The following ZNF385D variants were observed in gnomAD, a reference collection of about 807,000 sequenced individuals.
The protein encoded by ZNF385D is zinc finger protein 385D, also known as zinc finger protein 659.
A neutral mutation model predicts 35.8 loss-of-function variants in ZNF385D; 15 were observed. The observed-to-expected ratio is 0.42, with a 90% CI of 0.28 to 0.64. The LOEUF (loss-of-function observed/expected upper bound fraction) is 0.64. ZNF385D is among the 30% of genes least tolerant of loss of function. ZNF385D has a pLI of 0.23. For synonymous variants in ZNF385D, 212 were observed against 186.8 expected, an observed-to-expected ratio of 1.13 and a Z score of -1.10; for missense variants, 474 against 494.6, an observed-to-expected ratio of 0.96 and a Z score of 0.39.
At chr3:21,784,339 T>C (rs1444477813) in intron 3 of ZNF385D, among the ~76,000 whole-genome samples, 1 of 152,154 alleles carries the variant, frequency 6.6e-6, no homozygotes, top group African/African-American at 2.4e-5. Flanking sequence ...CTCTGAAAAA[T>C]ATGAGCACAA....
At chr3:21,520,376 A>T (rs965437195) in intron 3 of ZNF385D, among the ~76,000 whole-genome samples, 1 of 152,212 alleles carries the variant, frequency 6.6e-6, no homozygotes. Flanking sequence ...ATAGTTGCCT[A>T]TTAAATTCAT....
chr3:21,838,081 C>CA (rs1399093150), intron 3 of ZNF385D, among the ~76,000 whole-genome samples: 1 of 151,934 alleles, frequency 6.6e-6, no homozygotes, highest in Admixed American at 6.6e-5. Flanking sequence ...TTAACAGTAG[C>CA]AATCTTAATG....
chr3:21,788,466 G>A (rs1240797352), intron 3 of ZNF385D, among the ~76,000 whole-genome samples: 5 of 152,164 alleles, frequency 3.3e-5, no homozygotes, highest in Admixed American at 1.3e-4. Flanking sequence ...GGGATAGAGC[G>A]AGACTCTGAA....
intron 3 of ZNF385D, among the ~76,000 whole-genome samples, chr3:21,991,517 T>C (rs186219127): frequency 6.6e-6 from 1 of 152,328 alleles, no homozygotes; most frequent in Admixed American, 6.5e-5. Context: ...AATTTGGAAG[T>C]CATCTTAATA....
intron 5 of ZNF385D, among the ~76,000 whole-genome samples, chr3:21,436,270 T>C (rs1701546163): frequency 6.6e-6 from 1 of 152,138 alleles, no homozygotes; most frequent in South Asian, 2.1e-4. Context: ...GGCTTGTCAG[T>C]ATTCCAGTAT....
At chr3:21,781,664 AC>A (rs1224009005) in intron 3 of ZNF385D, among the ~76,000 whole-genome samples, 1 of 152,104 alleles carries the variant, frequency 6.6e-6, no homozygotes, top group Non-Finnish European at 1.5e-5. Flanking sequence ...GTTCTTGACG[AC>A]ATGAGCCAGA....
intron 3 of ZNF385D, among the ~76,000 whole-genome samples, chr3:21,831,502 T>A (rs1575738447): frequency 6.6e-6 from 1 of 152,140 alleles, no homozygotes; most frequent in Non-Finnish European, 1.5e-5. Context: ...CTAGTGGCGG[T>A]GCTCGAACTT....
chr3:21,966,849 A>AGGATTATAG (rs1702943031), intron 3 of ZNF385D, among the ~76,000 whole-genome samples: 2 of 152,226 alleles, frequency 1.3e-5, no homozygotes, highest in Non-Finnish European at 2.9e-5. Flanking sequence ...CCGAGGCCGA[A>AGGATTATAG]GGATTATAGG....
chr3:21,664,776 T>C lies in ZNF385D; in HGVS notation c.165+110A>G, dbSNP rs576275120. On this transcript the variant is annotated intron_variant, in intron 2 of 7. Transcript: ENST00000281523. ...TTCATTATGGCTTCTAGACAAACCA[T>C]GCAATGAACAATATAGCAAAATGGA... The C allele has an allele frequency of 1.4e-4, 199 of 1,430,154 alleles. 1 individual carries two copies. In the African/African-American group the frequency reaches 2.5e-3, roughly 18 times the overall value. The allele number at this position is 1,430,154 out of a possible 1,614,324, so 88.6% of individuals were successfully genotyped here. A position where few individuals can be genotyped will look rare whatever the true frequency, so the allele number is the denominator to read the frequency against.
chr3:21,920,116 C>G (rs1700379756), intron 3 of ZNF385D, among the ~76,000 whole-genome samples: 1 of 152,062 alleles, frequency 6.6e-6, no homozygotes, highest in Non-Finnish European at 1.5e-5. Context: ...AGGAAACAAA[C>G]AAAGAAGAAT....
chr3:21,841,821 A>C (rs766824530), intron 3 of ZNF385D, among the ~76,000 whole-genome samples: 8 of 151,650 alleles, frequency 5.3e-5, no homozygotes, highest in Non-Finnish European at 1.0e-4. Flanking sequence ...TAAGTTTGTA[A>C]ATTCGCAATT....
At chr3:22,000,345 C>A (rs1030169089) in intron 3 of ZNF385D, among the ~76,000 whole-genome samples, 2 of 151,926 alleles carry the variant, frequency 1.3e-5, no homozygotes, top group African/African-American at 4.8e-5. Context: ...TGTAGTTAAA[C>A]CGTCAAAGTG....
intron 2 of ZNF385D, among the ~76,000 whole-genome samples, chr3:22,316,871 C>A: frequency 6.6e-6 from 1 of 152,106 alleles, no homozygotes; most frequent in Non-Finnish European, 1.5e-5. Flanking sequence ...TTAGAAGCTG[C>A]CTCAAAATCA....
At chr3:21,669,310 T>C (rs2066492483) in intron 1 of ZNF385D, among the ~76,000 whole-genome samples, 1 of 152,212 alleles carries the variant, frequency 6.6e-6, no homozygotes, top group Non-Finnish European at 1.5e-5. Context: ...TGATCATTAA[T>C]GTTCACAAAA....
chr3:21,860,682 G>T (rs1347075351), intron 3 of ZNF385D, among the ~76,000 whole-genome samples: 1 of 152,202 alleles, frequency 6.6e-6, no homozygotes, highest in East Asian at 1.9e-4. Context: ...TTCAAAGTCA[G>T]GCCTCCAAAC....
At chr3:21,531,819 T>C (rs2061929258) in intron 3 of ZNF385D, among the ~76,000 whole-genome samples, 1 of 152,150 alleles carries the variant, frequency 6.6e-6, no homozygotes, top group South Asian at 2.1e-4. Flanking sequence ...TGGTAACAAA[T>C]ATTATTCTAA....
At chr3:21,877,217 A>G (rs937834964) in intron 3 of ZNF385D, among the ~76,000 whole-genome samples, 2 of 152,058 alleles carry the variant, frequency 1.3e-5, no homozygotes, top group Non-Finnish European at 2.9e-5. Flanking sequence ...AGGAATGGGC[A>G]TTTTCATAAC....
intron 2 of ZNF385D, among the ~76,000 whole-genome samples, chr3:22,352,154 T>C (rs1423780882): frequency 6.6e-6 from 1 of 152,160 alleles, no homozygotes; most frequent in African/African-American, 2.4e-5. Context: ...TAAGTTTAAG[T>C]AGGAGGTAAT....
At chr3:22,337,367 C>T (rs1695220229) in intron 2 of ZNF385D, among the ~76,000 whole-genome samples, 1 of 152,112 alleles carries the variant, frequency 6.6e-6, no homozygotes, top group Admixed American at 6.6e-5. Context: ...AACCCTCTCT[C>T]TACTAAAAAT....
Sources: allele counts gnomAD v4.1 joint callset (sites outside exome capture counted in the v4.1 genomes callset), GRCh38; gene constraint gnomAD v4.1.1; transcripts MANE v1.5; gene names NCBI Gene and HGNC (gene_info 2026-07-23, HGNC 2026-07-21).